The following ITIH5 variants were observed in gnomAD, a reference collection of about 807,000 sequenced individuals.
The protein encoded by ITIH5 is inter-alpha-trypsin inhibitor heavy chain H5.
Under a neutral mutation model 77.5 loss-of-function variants are expected in ITIH5, and 65 were observed. The ratio of observed to expected loss-of-function variants is 0.84; its 90% confidence interval spans 0.69 to 1.03. The LOEUF (loss-of-function observed/expected upper bound fraction) is 1.03, where lower values mean the gene tolerates loss of function less well. ITIH5 is among the 50% of genes least tolerant of loss of function. ITIH5 has a pLI of 0.00. For synonymous variants in ITIH5, 525 were observed against 494.3 expected (o/e 1.06, Z -0.82); for missense variants, 1,208 against 1,213.1 (o/e 1.00, Z 0.06).
intron 10 of ITIH5, among the ~76,000 whole-genome samples, chr10:7,575,144 C>T (rs1430022886): frequency 6.6e-6 from 1 of 152,206 alleles, no homozygotes; most frequent in African/African-American, 2.4e-5. Context: ...TCTGGTATTC[C>T]GTGCCTCCAC....
At chr10:7,568,031 C>A (rs80173615) in intron 12 of ITIH5, among the ~76,000 whole-genome samples, 7,555 of 152,134 alleles carry the variant, frequency 0.05, 645 homozygotes, top group African/African-American at 0.17. Context: ...TCATTATGAA[C>A]ATCACTGGGG....
chr10:7,655,522 A>G (rs1218231863), intron 2 of ITIH5, 109 bp downstream of exon 2: 2 of 843,134 alleles, frequency 2.4e-6, no homozygotes, highest in Non-Finnish European at 3.9e-6. Flanking sequence ...ATTTTTCTAC[A>G]AGCAACTTTA....
Position 7,642,109 on chromosome 10 carries a change from A to G in ITIH5, c.136-19T>C, listed in dbSNP as rs1449999193. 3 of 1,610,090 alleles carry G rather than the reference A, an allele frequency of 1.9e-6. No homozygotes were observed. Among genetic ancestry groups the G allele is most frequent in the South Asian group, 1.1e-5 (1 of 90,686 alleles). On this transcript the variant is annotated intron_variant, in intron 2 of 13. Transcript: ENST00000397146. ...TGGTTTTCTGTAGGAATGAAAACAC[A>G]CAGTATCATCGGTGATGCATGAAAG...
intron 2 of ITIH5, among the ~76,000 whole-genome samples, chr10:7,654,123 C>T (rs540383415): frequency 6.6e-6 from 1 of 152,318 alleles, no homozygotes; most frequent in African/African-American, 2.4e-5. Flanking sequence ...CGCCACTGCA[C>T]TCCAGCCTGA....
chr10:7,580,799 GAT>G (rs1305458326), intron 8 of ITIH5, among the ~76,000 whole-genome samples: 2 of 152,200 alleles, frequency 1.3e-5, no homozygotes, highest in East Asian at 3.9e-4. Context: ...AGGTGGAGCT[GAT>G]GAAAGAATGA....
In ITIH5 at chr10:7,609,366, T is replaced by C. The variant is rs375845914; in HGVS notation, c.939+6616A>G. On this transcript the variant is annotated intron_variant, in intron 7 of 13. Coordinates refer to ENST00000397146, the MANE Select transcript of ITIH5 (RefSeq NM_030569.7). The stretch of plus-strand genomic sequence containing the variant: ...TGTGAAGAGTTGGGAATGCATATTG[T>C]AATGATCAAACACAAGATGTTCCCC... The C allele has an allele frequency of 4.0e-5, 18 of 445,656 alleles. No individual in the cohort carries two copies. In the East Asian group the frequency reaches 1.0e-3, roughly 26 times the overall value. The allele number at this position is 445,656 out of a possible 1,614,324, so 27.6% of individuals were successfully genotyped here. A position where few individuals can be genotyped will look rare whatever the true frequency, so the allele number is the denominator to read the frequency against.
intron 7 of ITIH5, among the ~76,000 whole-genome samples, chr10:7,590,199 G>A (rs1832765267): frequency 6.6e-6 from 1 of 151,942 alleles, no homozygotes. Context: ...CTCTGTCCCG[G>A]GACAGAGGAC....
In ITIH5 at chr10:7,637,491, A is replaced by T. The variant is rs1564273834; in HGVS notation, c.402-13T>A. 15 of 1,612,660 alleles carry T rather than the reference A, an allele frequency of 9.3e-6. No homozygotes were observed. The highest frequency in any genetic ancestry group is 1.3e-5 in the Non-Finnish European group (15 of 1,179,678). On this transcript the variant is annotated splice_polypyrimidine_tract_variant and intron_variant, in intron 4 of 13. Coordinates refer to ENST00000397146, the MANE Select transcript of ITIH5 (RefSeq NM_030569.7). The stretch of plus-strand genomic sequence containing the variant: ...AGTCCCCTTCTCTCTGTCAGGAAAA[A>T]GGAAAAGGACCCCAGGGAGGTTCGG...
intron 5 of ITIH5, among the ~76,000 whole-genome samples, chr10:7,625,972 C>G (rs1833571481): frequency 6.6e-6 from 1 of 152,186 alleles, no homozygotes; most frequent in African/African-American, 2.4e-5. Flanking sequence ...TCACGTCCAG[C>G]TTGCGGAACA....
At chr10:7,567,966 T>C (rs1832221192) in intron 12 of ITIH5, among the ~76,000 whole-genome samples, 1 of 152,240 alleles carries the variant, frequency 6.6e-6, no homozygotes, top group Non-Finnish European at 1.5e-5. Context: ...TCCCAGAAGG[T>C]AGCATGTGTG....
chr10:7,572,645 C>T, intron 11 of ITIH5: 1 of 349,052 alleles, frequency 2.9e-6, no homozygotes, highest in Admixed American at 4.2e-5. Context: ...TGTGCTATCT[C>T]CATGGTGTTT....
Position 7,615,536 on chromosome 10 carries a change from C to T in ITIH5, c.939+446G>A, listed in dbSNP as rs114092959. 4.4e-3 allele frequency among the ~76,000 whole-genome samples: 677 copies of T among 152,272 alleles called. 6 individuals carry two copies. The highest frequency in any genetic ancestry group is 0.02 in the Middle Eastern group (6 of 294). ...GTGACCCCTGAATGTCTCCCCACCA[C>T]CCTGGAATTTTAAGATTCATCCTAA... is the stretch of plus-strand genomic sequence containing the variant. On this transcript the variant is annotated intron_variant, in intron 7 of 13. Coordinates refer to ENST00000397146, the MANE Select transcript of ITIH5 (RefSeq NM_030569.7).
chr10:7,617,232 CAA>C lies in ITIH5; in HGVS notation c.701_702del (p.Phe234CysfsTer6). 6.3e-7 allele frequency: 1 copy of C among 1,599,700 alleles called. No individual in the cohort carries two copies. The highest frequency in any genetic ancestry group is 1.1e-5 in the South Asian group (1 of 87,934). ...ACAGTAGGTTTAAAAATTATGTTGG[CAA>C]ATGTTTCATTTTGGTTAATGACAGT... ...PSTVINQNET[F>X]ANIIFKPTVV... is the part of the protein sequence containing the mutation. On this transcript the variant is annotated frameshift_variant, in exon 6 of 14. Transcript: ENST00000397146. LOFTEE classifies it high-confidence loss of function.
intron 8 of ITIH5, among the ~76,000 whole-genome samples, chr10:7,583,558 T>C (rs1274362306): frequency 6.6e-6 from 1 of 152,170 alleles, no homozygotes; most frequent in Admixed American, 6.5e-5. Context: ...GGTCTCGAGC[T>C]CCCGAGCTCA....
At chr10:7,614,958 A>G (rs59419564) in intron 7 of ITIH5, among the ~76,000 whole-genome samples, 7,252 of 152,262 alleles carry the variant, frequency 0.048, 601 homozygotes, top group African/African-American at 0.16. Context: ...GTATAAAAAA[A>G]TGAAAAAGGC....
chr10:7,600,574 G>C, intron 7 of ITIH5: 1 of 456,742 alleles, frequency 2.2e-6, no homozygotes, highest in South Asian at 1.5e-5. Flanking sequence ...ACCTAGAAGA[G>C]ATGATTGGGA....
chr10:7,610,875 G>A (rs1833231143), intron 7 of ITIH5, among the ~76,000 whole-genome samples: 1 of 152,212 alleles, frequency 6.6e-6, no homozygotes, highest in African/African-American at 2.4e-5. Flanking sequence ...CAGAGTGCAT[G>A]CCAGACTTTC....
At position 7,565,647 on chromosome 10, in the gene ITIH5, T is replaced by G. The variant is rs145093629; in HGVS notation, c.2527+383A>C. On this transcript the variant is annotated intron_variant, in intron 13 of 13. Coordinates refer to ENST00000397146, the MANE Select transcript of ITIH5 (RefSeq NM_030569.7). ...TATATGTATATATGTATAGACTGTA[T>G]ATATATACACACACATACATATACA... Among the ~76,000 whole-genome samples the G allele has an allele frequency of 7.4e-5, 11 of 148,756 alleles. No homozygotes were observed. In the East Asian group the frequency reaches 2.1e-3, roughly 29 times the overall value.
At chr10:7,581,721 C>CTTTTTTTTTTTTTTTTTTTTTTTT (rs142992412) in intron 8 of ITIH5, among the ~76,000 whole-genome samples, 1 of 101,724 alleles carries the variant, frequency 9.8e-6, no homozygotes, top group Non-Finnish European at 1.9e-5. Flanking sequence ...TCTTTTCCTT[C>CTTTTTTTTTTTTTTTTTTTTTTTT]TTTTTTTTTT....
Sources: allele counts gnomAD v4.1 joint callset (sites outside exome capture counted in the v4.1 genomes callset), GRCh38; gene constraint gnomAD v4.1.1; transcripts MANE v1.5; gene names NCBI Gene and HGNC (gene_info 2026-07-23, HGNC 2026-07-21).